Variants in FGGY observed in about 807,000 individuals in gnomAD.
FGGY encodes FGGY carbohydrate kinase domain-containing protein.
FGGY carries 72 observed loss-of-function variants against 71.3 expected under a neutral mutation model. That is an observed-to-expected ratio of 1.01 (90% CI 0.84 to 1.23). FGGY has a LOEUF of 1.23. FGGY is among the 50% of genes most tolerant of loss of function. FGGY has a pLI of 0.00. For missense variants in FGGY, 668 were observed against 682.3 expected (o/e 0.98, Z 0.23); for synonymous variants, 251 against 250.3 (o/e 1.00, Z -0.02).
chr1:59,698,799 G>A (rs1046764145), intron 14 of FGGY: 4 of 985,304 alleles, frequency 4.1e-6, no homozygotes, highest in African/African-American at 1.7e-5. Flanking sequence ...CATACATTGA[G>A]TGCGTGTACT....
At chr1:59,424,124 A>G (rs1411332560) in intron 5 of FGGY, among the ~76,000 whole-genome samples, 1 of 152,246 alleles carries the variant, frequency 6.6e-6, no homozygotes, top group Non-Finnish European at 1.5e-5. Flanking sequence ...GAAGCTAATA[A>G]TCAATGCATG....
intron 5 of FGGY, among the ~76,000 whole-genome samples, chr1:59,423,169 G>T (rs899788609): frequency 2.0e-5 from 3 of 152,204 alleles, no homozygotes; most frequent in Non-Finnish European, 4.4e-5. Flanking sequence ...GTACCAGCAA[G>T]TTTGTTTTTC....
intron 5 of FGGY, among the ~76,000 whole-genome samples, chr1:59,379,276 G>A (rs1571315994): frequency 6.6e-6 from 1 of 151,968 alleles, no homozygotes; most frequent in African/African-American, 2.4e-5. Flanking sequence ...ACATCATAGA[G>A]TATACTTTCA....
intron 10 of FGGY, among the ~76,000 whole-genome samples, chr1:59,635,740 C>T (rs551139271): frequency 3.3e-5 from 5 of 152,252 alleles, no homozygotes; most frequent in East Asian, 1.9e-4. Flanking sequence ...TTATCATATT[C>T]GTGTTCGCTG....
intron 9 of FGGY, among the ~76,000 whole-genome samples, chr1:59,618,544 C>T (rs2096778930): frequency 6.6e-6 from 1 of 152,094 alleles, no homozygotes; most frequent in African/African-American, 2.4e-5. Context: ...CAACTGTTGT[C>T]CGTTAACATG....
At chr1:59,413,422 TAAATG>T (rs1293240405) in intron 5 of FGGY, among the ~76,000 whole-genome samples, 3 of 152,098 alleles carry the variant, frequency 2.0e-5, no homozygotes, top group African/African-American at 7.2e-5. Flanking sequence ...TTGAAATAAA[TAAATG>T]AAAGAGCCAG....
chr1:59,521,869 TG>T (rs2094843616), intron 7 of FGGY, among the ~76,000 whole-genome samples: 1 of 152,216 alleles, frequency 6.6e-6, no homozygotes, highest in Non-Finnish European at 1.5e-5. Flanking sequence ...GCTTCACTGG[TG>T]GTTATTAAAT....
At chr1:59,562,410 A>G (rs1349778653) in intron 8 of FGGY, among the ~76,000 whole-genome samples, 1 of 152,204 alleles carries the variant, frequency 6.6e-6, no homozygotes, top group Non-Finnish European at 1.5e-5. Flanking sequence ...TTTTGTGGAA[A>G]AGTGGGCTCA....
In FGGY at chr1:59,346,947, C is replaced by CTTTTT. The variant is rs71580898; in HGVS notation, c.465+566_465+570dup. 2.5e-3 allele frequency among the ~76,000 whole-genome samples: 277 copies of CTTTTT among 112,168 alleles called. 3 individuals are homozygous for CTTTTT. The highest frequency in any genetic ancestry group is 8.3e-3 in the African/African-American group (252 of 30,382). The allele number at this position is 112,168 out of a possible 152,430, so 73.6% of individuals were successfully genotyped here. ...TGTGCCCGGCCATCCAAAATCAATT[C>CTTTTT]TTTTTTTTTTTTTTTTTTTTTAAGT... On this transcript the variant is annotated intron_variant, in intron 4 of 15. Transcript: ENST00000303721.
At chr1:59,415,624 C>T (rs944913949) in intron 5 of FGGY, among the ~76,000 whole-genome samples, 4 of 152,178 alleles carry the variant, frequency 2.6e-5, no homozygotes, top group Non-Finnish European at 4.4e-5. Context: ...GATGCTTCTC[C>T]TCTGAGCTCC....
chr1:59,752,490 C>T (rs2098254076), intron 14 of FGGY, among the ~76,000 whole-genome samples: 1 of 152,186 alleles, frequency 6.6e-6, no homozygotes, highest in Non-Finnish European at 1.5e-5. Context: ...GGCTTAAGCC[C>T]ATTATTCCCC....
chr1:59,734,852 C>G lies in FGGY; in HGVS notation c.1513-23079C>G, dbSNP rs72919696. Among the ~76,000 whole-genome samples the G allele has an allele frequency of 5.0e-4, 76 of 152,260 alleles. 1 individual carries two copies. The highest frequency in any genetic ancestry group is 1.8e-3 in the African/African-American group (76 of 41,566). On this transcript the variant is annotated intron_variant, in intron 14 of 15. Transcript: ENST00000303721. ...CCTCCTGCTTCTGAGCAGAGAAGGCCTGGGGGCCAAGGTGCCCAGGGGCTG... is the reference window on the plus strand; with the variant it reads ...CCTCCTGCTTCTGAGCAGAGAAGGCGTGGGGGCCAAGGTGCCCAGGGGCTG...
intron 6 of FGGY, among the ~76,000 whole-genome samples, chr1:59,502,607 G>T (rs2094259663): frequency 6.6e-6 from 1 of 152,124 alleles, no homozygotes; most frequent in Non-Finnish European, 1.5e-5. Flanking sequence ...TATTGCCCTG[G>T]CTTAGATGAG....
intron 8 of FGGY, among the ~76,000 whole-genome samples, chr1:59,597,958 T>C (rs1413209447): frequency 6.6e-6 from 1 of 152,190 alleles, no homozygotes; most frequent in East Asian, 1.9e-4. Flanking sequence ...CCTCACTACG[T>C]GATGTCAGAG....
chr1:59,428,174 T>C (rs1007883955), intron 5 of FGGY, among the ~76,000 whole-genome samples: 2 of 152,226 alleles, frequency 1.3e-5, no homozygotes, highest in African/African-American at 4.8e-5. Flanking sequence ...TCTAGAGGGA[T>C]CATGAAACAT....
At chr1:59,613,578 A>G (rs1425204631) in intron 9 of FGGY, among the ~76,000 whole-genome samples, 1 of 152,214 alleles carries the variant, frequency 6.6e-6, no homozygotes, top group Non-Finnish European at 1.5e-5. Context: ...TAACATCACA[A>G]TTAAAAGAAC....
intron 8 of FGGY, among the ~76,000 whole-genome samples, chr1:59,581,621 T>C (rs1469586924): frequency 6.7e-6 from 1 of 150,186 alleles, no homozygotes; most frequent in African/African-American, 2.5e-5. Context: ...AAAGACTATA[T>C]TGAGCTGCAG....
chr1:59,673,924 C>T (rs1049991817), intron 13 of FGGY, 115 bp from the exon 14 acceptor site: 15 of 755,166 alleles, frequency 2.0e-5, no homozygotes, highest in East Asian at 1.1e-4. Context: ...GGGAGTCGGG[C>T]GGGGGGCCTG....
intron 14 of FGGY, among the ~76,000 whole-genome samples, chr1:59,690,046 G>A (rs754170505): frequency 2.0e-5 from 3 of 152,192 alleles, no homozygotes; most frequent in Non-Finnish European, 2.9e-5. Context: ...TTGGACTACA[G>A]CAGTTGTCTT....
Sources: gnomAD v4.1 joint callset for allele counts (sites outside exome capture counted in the v4.1 genomes callset) on GRCh38, gnomAD v4.1.1 for gene constraint, MANE v1.5 for transcripts, NCBI Gene and HGNC (gene_info 2026-07-23, HGNC 2026-07-21) for gene names.